The following PTPRK variants were observed in gnomAD, a reference collection of about 807,000 sequenced individuals.
The protein encoded by PTPRK is protein tyrosine phosphatase receptor type K, also known as receptor-type tyrosine-protein phosphatase kappa.
Under a neutral mutation model 178.0 loss-of-function variants are expected in PTPRK, and 75 were observed. The ratio of observed to expected loss-of-function variants is 0.42; its 90% CI spans 0.35 to 0.51. The LOEUF (loss-of-function observed/expected upper bound fraction) is 0.51, where lower values mean the gene tolerates loss of function less well. Among genes scored for constraint, PTPRK ranks in the 20% least tolerant of loss-of-function variants. The pLI is 0.02. For missense variants in PTPRK, 1,441 were observed against 1,797.8 expected (o/e 0.80, Z 3.59); for synonymous variants, 637 against 620.6 (o/e 1.03, Z -0.39).
chr6:128,354,018 T>C (rs1219749916), intron 2 of PTPRK, among the ~76,000 whole-genome samples: 2 of 152,134 alleles, frequency 1.3e-5, no homozygotes, highest in East Asian at 3.9e-4. Flanking sequence ...TTCTTTCTTA[T>C]AACTGCATGT....
At chr6:128,379,316 T>C (rs1837546400) in intron 2 of PTPRK, among the ~76,000 whole-genome samples, 1 of 152,160 alleles carries the variant, frequency 6.6e-6, no homozygotes, top group African/African-American at 2.4e-5. Flanking sequence ...TGATTGAGTC[T>C]CATTCTTTGA....
intron 2 of PTPRK, among the ~76,000 whole-genome samples, chr6:128,374,937 G>A (rs1276858477): frequency 1.3e-5 from 2 of 151,858 alleles, no homozygotes; most frequent in Non-Finnish European, 2.9e-5. Context: ...CATGCTCCTA[G>A]TTCAAGGACT....
chr6:128,296,833 C>T (rs1470143922), intron 3 of PTPRK, among the ~76,000 whole-genome samples: 3 of 152,126 alleles, frequency 2.0e-5, no homozygotes, highest in African/African-American at 7.2e-5. Flanking sequence ...GCAAAATAAC[C>T]AGCTAATATC....
At chr6:128,350,424 T>C (rs529176562) in intron 2 of PTPRK, among the ~76,000 whole-genome samples, 1 of 152,124 alleles carries the variant, frequency 6.6e-6, no homozygotes, top group East Asian at 1.9e-4. Context: ...CAGCATCAAA[T>C]GCCCTTAAAG....
At chr6:128,136,533 T>G (rs1256416987) in intron 7 of PTPRK, among the ~76,000 whole-genome samples, 1 of 152,224 alleles carries the variant, frequency 6.6e-6, no homozygotes, top group Non-Finnish European at 1.5e-5. Flanking sequence ...TTCTTCAACT[T>G]TAGCTTTTTA....
At chr6:128,148,165 A>C (rs1265788585) in intron 7 of PTPRK, among the ~76,000 whole-genome samples, 3 of 152,156 alleles carry the variant, frequency 2.0e-5, no homozygotes, top group East Asian at 3.9e-4. Flanking sequence ...AGGGGCACTG[A>C]TGAACTTATT....
intron 27 of PTPRK, among the ~76,000 whole-genome samples, chr6:127,975,819 G>A (rs1774502102): frequency 6.6e-6 from 1 of 152,020 alleles, no homozygotes; most frequent in South Asian, 2.1e-4. Flanking sequence ...CTACAGGCAT[G>A]CCACCACCAT....
At chr6:128,065,178 T>C (rs1781541794) in intron 12 of PTPRK, among the ~76,000 whole-genome samples, 1 of 152,194 alleles carries the variant, frequency 6.6e-6, no homozygotes, top group Non-Finnish European at 1.5e-5. Context: ...AACTGTAGAC[T>C]GAGACCAAAG....
intron 3 of PTPRK, among the ~76,000 whole-genome samples, chr6:128,245,164 T>C (rs772920180): frequency 6.6e-6 from 1 of 152,126 alleles, no homozygotes; most frequent in African/African-American, 2.4e-5. Context: ...GAAAAGTAAT[T>C]GAACCAAGGC....
chr6:128,412,710 A>T (rs1842441381), intron 1 of PTPRK, among the ~76,000 whole-genome samples: 1 of 152,222 alleles, frequency 6.6e-6, no homozygotes, highest in Admixed American at 6.5e-5. Context: ...AGAGTTCTCT[A>T]AGGAAAGGCA....
At chr6:128,323,442 G>C (rs1829111521) in intron 2 of PTPRK, among the ~76,000 whole-genome samples, 1 of 152,104 alleles carries the variant, frequency 6.6e-6, no homozygotes, top group Non-Finnish European at 1.5e-5. Flanking sequence ...CAGATGTAGT[G>C]TTATAAAACT....
intron 3 of PTPRK, among the ~76,000 whole-genome samples, chr6:128,243,895 A>C (rs1814969131): frequency 6.6e-6 from 1 of 152,220 alleles, no homozygotes; most frequent in African/African-American, 2.4e-5. Flanking sequence ...GGTCTAATAG[A>C]AACATATTTG....
chr6:128,288,594 T>C (rs1160020207), intron 3 of PTPRK, among the ~76,000 whole-genome samples: 1 of 152,110 alleles, frequency 6.6e-6, no homozygotes, highest in Non-Finnish European at 1.5e-5. Context: ...AAACCAAAGA[T>C]TTTAGACATC....
At position 128,061,725 on chromosome 6, in the gene PTPRK, G is replaced by A. The variant is rs150301897; in HGVS notation, c.2194+3033C>T. Among the ~76,000 whole-genome samples the A allele has an allele frequency of 4.0e-4, 61 of 152,186 alleles. 1 individual carries two copies. In the East Asian group the frequency reaches 5.8e-3, roughly 14 times the overall value. The stretch of plus-strand genomic sequence containing the variant: ...GGCTTATGTACTGAAGATGCACCTC[G>A]TCTGATAGAAGGAAACCTTCACTGA... On this transcript the variant is annotated intron_variant, in intron 13 of 29. Coordinates refer to ENST00000368226, the MANE Select transcript of PTPRK (RefSeq NM_002844.4).
intron 1 of PTPRK, among the ~76,000 whole-genome samples, chr6:128,420,600 A>G (rs1480642298): frequency 2.6e-5 from 4 of 152,200 alleles, no homozygotes; most frequent in African/African-American, 9.6e-5. Flanking sequence ...ACTGGTGGTA[A>G]TTATTAATAC....
rs1018392982 is a variant in PTPRK, at chr6:127,976,648, G to A, written c.3969+9C>T. 1 of 1,613,812 alleles carries A rather than the reference G, an allele frequency of 6.2e-7. No individual in the cohort carries two copies. Among genetic ancestry groups the A allele is most frequent in the Non-Finnish European group, 8.5e-7 (1 of 1,179,948 alleles). ...CTAGATCAGCTCAAAGGATCCGATA[G>A]TGACTTACTCTTGTTAGATTGCATA... On this transcript the variant is annotated intron_variant, in intron 27 of 29. Coordinates refer to ENST00000368226, the MANE Select transcript of PTPRK (RefSeq NM_002844.4).
intron 7 of PTPRK, among the ~76,000 whole-genome samples, chr6:128,098,309 C>T (rs1263498010): frequency 6.6e-6 from 1 of 152,114 alleles, no homozygotes; most frequent in East Asian, 1.9e-4. Context: ...GGGTCTGCTT[C>T]CCCATGCTTT....
At chr6:128,035,858 G>A (rs1776122750) in intron 13 of PTPRK, among the ~76,000 whole-genome samples, 1 of 152,220 alleles carries the variant, frequency 6.6e-6, no homozygotes, top group African/African-American at 2.4e-5. Flanking sequence ...CTACAGGACA[G>A]TCTGCATAAT....
rs1056890899 is a variant in PTPRK, at chr6:128,221,418, G to A, written c.694-2322C>T. ...GGGTGCCTATAATCCCAGCTACTTGGGAGGCTGAGGCAGGAGAATGGTGTG... is the reference window on the plus strand; with the variant it reads ...GGGTGCCTATAATCCCAGCTACTTGAGAGGCTGAGGCAGGAGAATGGTGTG... On this transcript the variant is annotated intron_variant, in intron 5 of 29. Transcript: ENST00000368226. Among the ~76,000 whole-genome samples the A allele has an allele frequency of 7.2e-5, 11 of 151,868 alleles. No individual in the cohort carries two copies. The South Asian group carries it at 2.3e-3, about 32-fold the overall frequency.
Sources: allele counts gnomAD v4.1 joint callset (sites outside exome capture counted in the v4.1 genomes callset), GRCh38; gene constraint gnomAD v4.1.1; transcripts MANE v1.5; gene names NCBI Gene and HGNC (gene_info 2026-07-23, HGNC 2026-07-21).